The following ASTN2 variants were observed in gnomAD, a reference collection of about 807,000 sequenced individuals.
ASTN2 encodes astrotactin 2.
A neutral mutation model predicts 139.8 loss-of-function variants in ASTN2; 54 were observed. That is an observed-to-expected ratio of 0.39 (90% confidence interval 0.31 to 0.48). The LOEUF is 0.48. Ranked by LOEUF, ASTN2 falls within the 20% of genes least tolerant of loss-of-function variation. ASTN2 has a pLI of 0.95. For missense variants in ASTN2, 1,565 were observed against 1,725.1 expected (o/e 0.91, Z 1.64); for synonymous variants, 756 against 719.5 (o/e 1.05, Z -0.81).
chr9:116,950,615 G>A (rs901979545), intron 10 of ASTN2, among the ~76,000 whole-genome samples: 3 of 152,140 alleles, frequency 2.0e-5, no homozygotes, highest in Non-Finnish European at 2.9e-5. Context: ...TTTGTCATGG[G>A]AAGTTACAGT....
At chr9:117,110,830 A>G (rs903340059) in intron 4 of ASTN2, among the ~76,000 whole-genome samples, 2 of 152,206 alleles carry the variant, frequency 1.3e-5, no homozygotes, top group African/African-American at 4.8e-5. Flanking sequence ...TAAGTTTGCC[A>G]TTGTCTGGAC....
At chr9:117,201,728 T>C (rs1831727117) in intron 3 of ASTN2, among the ~76,000 whole-genome samples, 1 of 152,204 alleles carries the variant, frequency 6.6e-6, no homozygotes, top group South Asian at 2.1e-4. Context: ...TTCAGTTCTT[T>C]TGCATTTGCT....
At chr9:117,219,438 A>G (rs1222997260) in intron 2 of ASTN2, among the ~76,000 whole-genome samples, 1 of 152,154 alleles carries the variant, frequency 6.6e-6, no homozygotes, top group Non-Finnish European at 1.5e-5. Flanking sequence ...GATGGCTGTG[A>G]ATTTTTAGAA....
intron 3 of ASTN2, among the ~76,000 whole-genome samples, chr9:117,185,542 A>G (rs1831175191): frequency 6.6e-6 from 1 of 152,210 alleles, no homozygotes; most frequent in Non-Finnish European, 1.5e-5. Context: ...ACAGAGCTCT[A>G]TATCTGCACA....
intron 13 of ASTN2, among the ~76,000 whole-genome samples, chr9:116,752,390 A>G (rs1485914544): frequency 6.6e-6 from 1 of 152,206 alleles, no homozygotes; most frequent in Non-Finnish European, 1.5e-5. Context: ...AAATAACTCA[A>G]AATTATTGTA....
chr9:116,426,197 T>A, intron 22 of ASTN2, 109 bp from the exon 23 acceptor site: 6 of 1,366,828 alleles, frequency 4.4e-6, no homozygotes, highest in African/African-American at 1.4e-5. Context: ...AACCATTTCC[T>A]ATCTACTCCA....
intron 5 of ASTN2, among the ~76,000 whole-genome samples, chr9:117,054,951 C>T (rs1337306128): frequency 6.6e-6 from 1 of 152,154 alleles, no homozygotes; most frequent in East Asian, 1.9e-4. Flanking sequence ...AACCTAGACC[C>T]CTTGCATGCA....
intron 3 of ASTN2, among the ~76,000 whole-genome samples, chr9:117,199,742 T>C (rs148787512): frequency 3.3e-5 from 5 of 152,332 alleles, no homozygotes; most frequent in African/African-American, 1.2e-4. Flanking sequence ...TTCATGATAT[T>C]GATTCTTCCT....
chr9:116,895,218 A>G (rs1386638226), intron 10 of ASTN2, among the ~76,000 whole-genome samples: 1 of 152,244 alleles, frequency 6.6e-6, no homozygotes, highest in African/African-American at 2.4e-5. Context: ...CAGGATTGTT[A>G]AAACTATTGT....
intron 6 of ASTN2, among the ~76,000 whole-genome samples, chr9:117,028,978 C>T (rs930514743): frequency 1.5e-4 from 23 of 152,118 alleles, no homozygotes; most frequent in African/African-American, 5.3e-4. Context: ...AGAGATTTGT[C>T]CAAAGATGGA....
At chr9:116,937,375 A>G (rs1835110449) in intron 10 of ASTN2, among the ~76,000 whole-genome samples, 2 of 152,094 alleles carry the variant, frequency 1.3e-5, no homozygotes, top group Admixed American at 1.3e-4. Flanking sequence ...CATGTTAGAT[A>G]TTGCATCCTC....
At chr9:117,118,698 G>A (rs560289871) in intron 4 of ASTN2, among the ~76,000 whole-genome samples, 18 of 152,218 alleles carry the variant, frequency 1.2e-4, no homozygotes, top group Admixed American at 2.0e-4. Flanking sequence ...TGTAACCCCA[G>A]GCTATTTTTC....
At chr9:117,113,497 T>C (rs10117070) in intron 4 of ASTN2, among the ~76,000 whole-genome samples, 23,601 of 151,852 alleles carry the variant, frequency 0.16, 2,006 homozygotes, top group East Asian at 0.2. Context: ...CTCCACTAAA[T>C]ATACAAAAAT....
intron 10 of ASTN2, among the ~76,000 whole-genome samples, chr9:116,965,941 T>C (rs1226486908): frequency 6.6e-6 from 1 of 152,176 alleles, no homozygotes; most frequent in Non-Finnish European, 1.5e-5. Context: ...TAGCTTCAAC[T>C]TCAGAAGATG....
intron 13 of ASTN2, among the ~76,000 whole-genome samples, chr9:116,785,923 C>T (rs929827199): frequency 3.9e-5 from 6 of 152,210 alleles, no homozygotes; most frequent in African/African-American, 1.4e-4. Flanking sequence ...AGCTTGGTTT[C>T]CTTCTCACTC....
intron 5 of ASTN2, among the ~76,000 whole-genome samples, chr9:117,065,623 T>G (rs930361497): frequency 6.6e-6 from 1 of 152,242 alleles, no homozygotes; most frequent in South Asian, 2.1e-4. Flanking sequence ...GAGCCAATCA[T>G]ACATTTGGTC....
In ASTN2 at chr9:117,414,897, C is replaced by G; in HGVS notation, c.42G>C (p.Ser14=). The G allele has an allele frequency of 1.4e-6, 1 of 730,818 alleles. No homozygotes were observed. Among genetic ancestry groups the G allele is most frequent in the Admixed American group, 5.2e-5 (1 of 19,116 alleles). 45.3% of individuals were successfully genotyped at this position (730,818 alleles called of 1,614,324 possible). Residue 14 remains serine (S), a synonymous_variant, in exon 1 of 23, where the codon TCG becomes TCC. Coordinates refer to ENST00000313400, the MANE Select transcript of ASTN2 (RefSeq NM_001365068.1). The surrounding 1 kb of genome is among the most constrained non-coding windows in gnomAD (Gnocchi z 4.2). ...AGARLSPGPG[S]GLRGRPRLCF... ...AGAGCCTCGGCCGCCCCCGGAGCCC[C>G]GAGCCGGGGCCGGGGCTGAGCCGGG...
intron 11 of ASTN2, among the ~76,000 whole-genome samples, chr9:116,837,517 T>C (rs1168694620): frequency 1.3e-5 from 2 of 152,204 alleles, no homozygotes; most frequent in Non-Finnish European, 2.9e-5. Flanking sequence ...GTGAACCTGC[T>C]CTTTGCTGCT....
At chr9:116,996,933 C>G (rs6478267) in intron 7 of ASTN2, among the ~76,000 whole-genome samples, 8,785 of 152,042 alleles carry the variant, frequency 0.058, 403 homozygotes, top group African/African-American at 0.13. Context: ...AATATAGTCT[C>G]TAATTTAAAT....
Sources: gnomAD v4.1 joint callset for allele counts (sites outside exome capture counted in the v4.1 genomes callset) on GRCh38, gnomAD v4.1.1 for gene constraint, Gnocchi (gnomAD v3.1) non-coding constraint, MANE v1.5 for transcripts, NCBI Gene and HGNC (gene_info 2026-07-23, HGNC 2026-07-21) for gene names.